Variants in FYB1 observed in about 807,000 individuals in gnomAD.
FYB1 encodes the protein FYN binding protein 1.
In FYB1, 41 loss-of-function variants were observed where a neutral mutation model predicts 94.1. The observed-to-expected ratio is 0.44, with a 90% confidence interval of 0.34 to 0.57. The LOEUF is 0.57. Ranked by LOEUF, FYB1 falls within the 20% of genes least tolerant of loss-of-function variation. The pLI, the probability that FYB1 is intolerant of heterozygous loss-of-function variation, is 0.02. For synonymous variants in FYB1, 367 were observed against 353.2 expected (o/e 1.04, Z -0.44); for missense variants, 1,050 against 976.8 (o/e 1.07, Z -1.00).
In FYB1 at chr5:39,122,418, A is replaced by T; in HGVS notation, c.2072-16T>A. On this transcript the variant is annotated splice_polypyrimidine_tract_variant and intron_variant, in intron 13 of 18. Transcript: ENST00000512982. ...TCTCCCATGTCTAACAAAAGACAGA[A>T]TATCAAAGGTTGAAACACTGTTAGT... The T allele has an allele frequency of 6.7e-7, 1 of 1,496,204 alleles. No individual in the cohort carries two copies. The highest frequency in any genetic ancestry group is 9.2e-7 in the Non-Finnish European group (1 of 1,089,378). 92.7% of individuals were successfully genotyped at this position (1,496,204 alleles called of 1,614,324 possible). A position where few individuals can be genotyped will look rare whatever the true frequency, so the allele number is the denominator to read the frequency against.
chr5:39,153,139 G>T (rs1743398776), intron 3 of FYB1, among the ~76,000 whole-genome samples: 1 of 152,188 alleles, frequency 6.6e-6, no homozygotes, highest in African/African-American at 2.4e-5. Flanking sequence ...TGATAGTGGA[G>T]GAGTTGGTGG....
At chr5:39,144,807 A>T (rs1389079032) in intron 3 of FYB1, among the ~76,000 whole-genome samples, 1 of 152,220 alleles carries the variant, frequency 6.6e-6, no homozygotes, top group African/African-American at 2.4e-5. Flanking sequence ...GTCTCAAAAA[A>T]AAACCAAAAA....
chr5:39,134,809 C>T (rs537273433), intron 8 of FYB1, 46 bp downstream of exon 8: 1 of 1,600,692 alleles, frequency 6.2e-7, no homozygotes, highest in Non-Finnish European at 8.6e-7. Flanking sequence ...TTGAATATTG[C>T]CTCGCAAAGA....
chr5:39,222,089 C>A (rs575110212), upstream of FYB1, among the ~76,000 whole-genome samples: 1 of 152,118 alleles, frequency 6.6e-6, no homozygotes, highest in Non-Finnish European at 1.5e-5. Flanking sequence ...CACGCCCTGT[C>A]TTCATGGAAT....
chr5:39,202,780 T>C lies in FYB1; in HGVS notation c.181A>G (p.Lys61Glu). The change falls in exon 2 of 19, where the codon AAG becomes GAG. Residue 61 changes from lysine (K) to glutamate (E), a missense_variant. Transcript: ENST00000512982. ...PSNVPKFGSP[K>E]PPVAVKPSSE... Reference sequence around the variant, plus strand: ...GAAGGTTTGACTGCCACAGGTGGCTTTGGGGACCCAAACTTAGGTACATTG... The same window carrying C: ...GAAGGTTTGACTGCCACAGGTGGCTCTGGGGACCCAAACTTAGGTACATTG... 3 of 1,613,954 alleles carry C rather than the reference T, an allele frequency of 1.9e-6. No individual in the cohort carries two copies. Among genetic ancestry groups the C allele is most frequent in the Non-Finnish European group, 8.5e-7 (1 of 1,179,868 alleles).
At chr5:39,272,322 T>C (rs1307696047) in intron 1 of FYB1, among the ~76,000 whole-genome samples, 1 of 152,146 alleles carries the variant, frequency 6.6e-6, no homozygotes, top group Non-Finnish European at 1.5e-5. Flanking sequence ...ACTCTGACAC[T>C]GTTCTCTACT....
chr5:39,232,846 C>T (rs1246525004), intron 1 of FYB1, among the ~76,000 whole-genome samples: 1 of 151,704 alleles, frequency 6.6e-6, no homozygotes, highest in East Asian at 2.0e-4. Flanking sequence ...CGATAGTTTA[C>T]TGAGAATGAT....
At chr5:39,170,361 A>T in intron 2 of FYB1, 1 of 1,004,296 alleles carries the variant, frequency 1.0e-6, no homozygotes, top group Admixed American at 2.7e-5. Context: ...CCTATTGGCA[A>T]ACCTGAGGAC....
intron 1 of FYB1, among the ~76,000 whole-genome samples, chr5:39,269,301 G>A (rs748966971): frequency 9.2e-5 from 14 of 152,162 alleles, no homozygotes; most frequent in Non-Finnish European, 1.8e-4. Context: ...CGCCTGCCTC[G>A]GCCTCCCAAA....
At chr5:39,162,938 G>A (rs1744393454) in intron 2 of FYB1, among the ~76,000 whole-genome samples, 1 of 152,026 alleles carries the variant, frequency 6.6e-6, no homozygotes, top group Non-Finnish European at 1.5e-5. Flanking sequence ...AATATTAGAA[G>A]TACAGCATCC....
chr5:39,113,535 T>TGG (rs1739260427), intron 16 of FYB1, among the ~76,000 whole-genome samples: 1 of 151,896 alleles, frequency 6.6e-6, no homozygotes, highest in African/African-American at 2.4e-5. Flanking sequence ...AATGTTTGCT[T>TGG]GCTACAGTGC....
intron 1 of FYB1, among the ~76,000 whole-genome samples, chr5:39,214,749 G>A (rs1044399570): frequency 2.6e-5 from 4 of 152,166 alleles, no homozygotes; most frequent in Non-Finnish European, 5.9e-5. Flanking sequence ...CCAACATGGT[G>A]AAAACCCATC....
chr5:39,181,563 G>A (rs1049635694), intron 2 of FYB1, among the ~76,000 whole-genome samples: 14 of 152,184 alleles, frequency 9.2e-5, no homozygotes, highest in African/African-American at 3.4e-4. Flanking sequence ...TGTGAGCTCT[G>A]GGCCCTTGCA....
chr5:39,124,254 C>T lies in FYB1; in HGVS notation c.2070G>A (p.Leu690=). The T allele has an allele frequency of 6.4e-7, 1 of 1,558,068 alleles. No homozygotes were observed. The highest frequency in any genetic ancestry group is 1.2e-5 in the South Asian group (1 of 82,710). The change falls in exon 13 of 19, where the codon TTG becomes TTA. Residue 690 remains leucine, a splice_region_variant and synonymous_variant. Transcript: ENST00000512982. ...ATACAATCAGTTTTTATTACTTACC[C>T]AATTGTTTAGGAGGAGCAGGGAAAC... ...GSSFPAPPKQ[L]DMGDEVYDDV... is the part of the protein sequence containing the mutation.
chr5:39,121,043 A>G (rs903122569), intron 14 of FYB1, among the ~76,000 whole-genome samples: 2 of 152,108 alleles, frequency 1.3e-5, no homozygotes, highest in Non-Finnish European at 2.9e-5. Context: ...CTCTGAAAAT[A>G]AGCAAAATGG....
chr5:39,215,760 C>A (rs1449032118), intron 1 of FYB1, among the ~76,000 whole-genome samples: 1 of 152,160 alleles, frequency 6.6e-6, no homozygotes, highest in African/African-American at 2.4e-5. Context: ...GATTGGAATG[C>A]AGATGTTGGT....
rs368001710 is a variant in FYB1 at position 39,268,903 on chromosome 5, A to C, written c.-28+5500T>G. Among the ~76,000 whole-genome samples, 35 of 152,166 alleles carry C rather than the reference A, an allele frequency of 2.3e-4. 1 individual carries two copies. Among genetic ancestry groups the C allele is most frequent in the African/African-American group, 7.0e-4 (29 of 41,518 alleles). On this transcript the variant is annotated intron_variant, in intron 1 of 1. Coordinates refer to the FYB1 transcript ENST00000510188. ...TATAAGAAAACAATAATCTTTAAAA[A>C]CATCGTTACTCATATATTATACCAA...
intron 13 of FYB1, among the ~76,000 whole-genome samples, chr5:39,123,428 T>C (rs1346844651): frequency 2.0e-5 from 3 of 152,206 alleles, no homozygotes; most frequent in African/African-American, 7.2e-5. Flanking sequence ...CCTTATTTTT[T>C]ACAGAATTGA....
rs1741610613 is a variant in FYB1 at position 39,135,580 on chromosome 5, A to C, written c.1516-566T>G. 2.0e-5 allele frequency among the ~76,000 whole-genome samples: 3 copies of C among 152,250 alleles called. No homozygotes were observed. In the South Asian group the frequency reaches 6.2e-4, roughly 31 times the overall value. On this transcript the variant is annotated intron_variant, in intron 7 of 18. Transcript: ENST00000512982. Reference sequence around the variant, plus strand: ...GAAGGATAATGATGTTGGTTAGACTATGAATCCTAAACTCTTAATTTTCTA... The same window carrying C: ...GAAGGATAATGATGTTGGTTAGACTCTGAATCCTAAACTCTTAATTTTCTA...
Sources: gnomAD v4.1 joint callset for allele counts (sites outside exome capture counted in the v4.1 genomes callset) on GRCh38, gnomAD v4.1.1 for gene constraint, MANE v1.5 for transcripts, NCBI Gene and HGNC (gene_info 2026-07-23, HGNC 2026-07-21) for gene names.